The following ADARB2 variants were observed in gnomAD, a reference collection of about 807,000 sequenced individuals.
ADARB2 encodes the protein inactive double-stranded RNA-specific editase B2.
Under a neutral mutation model 62.2 loss-of-function variants are expected in ADARB2, and 25 were observed. That is an observed-to-expected ratio of 0.40 (90% CI 0.29 to 0.56). The LOEUF (loss-of-function observed/expected upper bound fraction) is 0.56, where lower values mean the gene tolerates loss of function less well. Ranked by LOEUF, ADARB2 falls within the 20% of genes least tolerant of loss-of-function variation. ADARB2 has a pLI of 0.43. For synonymous variants in ADARB2, 572 were observed against 500.8 expected, an observed-to-expected ratio of 1.14 and a Z score of -1.90; for missense variants, 1,071 against 1,077.4, an observed-to-expected ratio of 0.99 and a Z score of 0.08.
chr10:1,673,331 T>TG (rs1834417668), intron 1 of ADARB2, among the ~76,000 whole-genome samples: 1 of 151,904 alleles, frequency 6.6e-6, no homozygotes, highest in African/African-American at 2.4e-5. Context: ...TGTGTGTGTG[T>TG]GTGTGTGTGT....
intron 3 of ADARB2, among the ~76,000 whole-genome samples, chr10:1,287,237 ATAGT>A (rs1831422327): frequency 6.6e-6 from 1 of 152,344 alleles, no homozygotes; most frequent in East Asian, 1.9e-4. Flanking sequence ...TCAAAGCTAC[ATAGT>A]TAGCCTTTTA....
intron 3 of ADARB2, among the ~76,000 whole-genome samples, chr10:1,353,489 A>T (rs559314394): frequency 2.0e-5 from 3 of 151,984 alleles, no homozygotes; most frequent in Non-Finnish European, 2.9e-5. Flanking sequence ...TGAAGAACTC[A>T]TTTACTTTCT....
In ADARB2 at chr10:1,398,142, C is replaced by T. The variant is rs539154276; in HGVS notation, c.101-18982G>A. Reference sequence around the variant, plus strand: ...GGGTCACCATCAGTCTCTCCCCTCCCGAGTGCAGGCTTCCTGGGTCACCGT... The same window carrying T: ...GGGTCACCATCAGTCTCTCCCCTCCTGAGTGCAGGCTTCCTGGGTCACCGT... On this transcript the variant is annotated intron_variant, in intron 1 of 9. Transcript: ENST00000381312. This position sits in a 1 kb window ranked among gnomAD's most constrained non-coding sequence, Gnocchi z 4.1. 3.4e-5 allele frequency among the ~76,000 whole-genome samples: 5 copies of T among 147,710 alleles called. 1 individual carries two copies. The highest frequency in any genetic ancestry group is 4.1e-4 in the East Asian group (2 of 4,820).
At position 1,463,340 on chromosome 10, in the gene ADARB2, C is replaced by T. The variant is rs113580638; in HGVS notation, c.101-84180G>A. 1.8e-3 allele frequency among the ~76,000 whole-genome samples: 281 copies of T among 152,254 alleles called. 2 individuals carry two copies. Among genetic ancestry groups the T allele is most frequent in the African/African-American group, 6.3e-3 (262 of 41,550 alleles). On this transcript the variant is annotated intron_variant, in intron 1 of 9. Coordinates refer to ENST00000381312, the MANE Select transcript of ADARB2 (RefSeq NM_018702.4). ...GGCCCTCGCTGATGAAGCTGCCTCC[C>T]GCCCTCCTGTGTCCCTGGTCCCTGC...
chr10:1,674,729 T>C (rs1834439641), intron 1 of ADARB2, among the ~76,000 whole-genome samples: 1 of 152,020 alleles, frequency 6.6e-6, no homozygotes, highest in Non-Finnish European at 1.5e-5. Context: ...TGTAAGTGAG[T>C]AAAAGTGGCG....
intron 1 of ADARB2, among the ~76,000 whole-genome samples, chr10:1,665,748 C>T (rs1834308357): frequency 6.6e-6 from 1 of 152,236 alleles, no homozygotes; most frequent in Non-Finnish European, 1.5e-5. Context: ...AGGGGCATTT[C>T]TCTGGGAAGC....
At chr10:1,263,195 T>C (rs1254613541) in intron 4 of ADARB2, among the ~76,000 whole-genome samples, 1 of 151,836 alleles carries the variant, frequency 6.6e-6, no homozygotes, top group South Asian at 2.1e-4. Context: ...GATGAGTTAC[T>C]GGGTGCAGCA....
intron 1 of ADARB2, among the ~76,000 whole-genome samples, chr10:1,671,225 G>A (rs899198904): frequency 1.3e-5 from 2 of 152,084 alleles, no homozygotes; most frequent in Non-Finnish European, 2.9e-5. Flanking sequence ...TCATGATCTC[G>A]CCCCCACCCG....
chr10:1,469,589 G>A (rs1218596020), intron 1 of ADARB2, among the ~76,000 whole-genome samples: 2 of 152,224 alleles, frequency 1.3e-5, no homozygotes, highest in Non-Finnish European at 2.9e-5. Context: ...CCAGAAATCA[G>A]TTTATTGAAT....
intron 1 of ADARB2, among the ~76,000 whole-genome samples, chr10:1,697,016 T>G (rs1190782628): frequency 6.6e-6 from 1 of 152,146 alleles, no homozygotes. Flanking sequence ...TTAGTGTATT[T>G]TATGTGTGGC....
chr10:1,411,117 A>G (rs567304392), intron 1 of ADARB2, among the ~76,000 whole-genome samples: 11 of 152,300 alleles, frequency 7.2e-5, no homozygotes, highest in Admixed American at 3.3e-4. Context: ...ACGGCCATCC[A>G]GACACGGCCT....
In ADARB2 at chr10:1,477,659, A is replaced by T. The variant is rs1046324054; in HGVS notation, c.101-98499T>A. Among the ~76,000 whole-genome samples the T allele has an allele frequency of 1.3e-5, 2 of 152,216 alleles. No individual in the cohort carries two copies. The highest frequency in any genetic ancestry group is 2.9e-5 in the Non-Finnish European group (2 of 68,034). On this transcript the variant is annotated intron_variant, in intron 1 of 9. Coordinates refer to ENST00000381312, the MANE Select transcript of ADARB2 (RefSeq NM_018702.4). This position sits in a 1 kb window ranked among gnomAD's most constrained non-coding sequence, Gnocchi z 4.5. ...CATAGATAAAAATATGGGGACCAAC[A>T]TGAAGCGTCAGCCTGTGCGCCTCTT... is the stretch of plus-strand genomic sequence containing the variant.
chr10:1,638,010 A>G (rs1047799320), intron 1 of ADARB2, among the ~76,000 whole-genome samples: 1 of 152,192 alleles, frequency 6.6e-6, no homozygotes, highest in African/African-American at 2.4e-5. Context: ...GGTTTGGGGG[A>G]AAATGGGTCT....
At chr10:1,506,444 A>T (rs1188150310) in intron 1 of ADARB2, among the ~76,000 whole-genome samples, 1 of 152,192 alleles carries the variant, frequency 6.6e-6, no homozygotes, top group African/African-American at 2.4e-5. Flanking sequence ...TTTGAGGCTC[A>T]TGTTCCCAAG....
intron 1 of ADARB2, among the ~76,000 whole-genome samples, chr10:1,651,859 G>C (rs1290889925): frequency 1.3e-5 from 2 of 152,152 alleles, no homozygotes; most frequent in Non-Finnish European, 2.9e-5. Context: ...ACACGACCCA[G>C]GGTTGGTTCC....
chr10:1,186,560 G>A (rs7924253), intron 8 of ADARB2: 88,831 of 518,784 alleles, frequency 0.17, 9,339 homozygotes, highest in Admixed American at 0.31. Flanking sequence ...ATGCCTCCTC[G>A]CAGATCAGCT....
At chr10:1,404,475 C>T (rs182208655) in intron 1 of ADARB2, among the ~76,000 whole-genome samples, 171 of 152,308 alleles carry the variant, frequency 1.1e-3, no homozygotes, top group African/African-American at 3.9e-3. Context: ...GTGATGAGTG[C>T]GCAAGAACCA....
At chr10:1,201,911 C>T (rs1316001133) in intron 7 of ADARB2, among the ~76,000 whole-genome samples, 2 of 151,238 alleles carry the variant, frequency 1.3e-5, no homozygotes, top group African/African-American at 2.4e-5. Flanking sequence ...GGACACACAG[C>T]GCCTGTCACC....
At chr10:1,439,297 T>C (rs1228514652) in intron 1 of ADARB2, among the ~76,000 whole-genome samples, 1 of 128,614 alleles carries the variant, frequency 7.8e-6, no homozygotes, top group African/African-American at 3.3e-5. Context: ...GGTCCTTCAC[T>C]ATGGGGCTTC....
Sources: allele counts gnomAD v4.1 joint callset (sites outside exome capture counted in the v4.1 genomes callset), GRCh38; gene constraint gnomAD v4.1.1; non-coding constraint Gnocchi (gnomAD v3.1); transcripts MANE v1.5; gene names NCBI Gene and HGNC (gene_info 2026-07-23, HGNC 2026-07-21).